The following TRPV3 variants were observed in gnomAD, a reference collection of about 807,000 sequenced individuals.
TRPV3 encodes the protein VRL-3.
Under a neutral mutation model 87.1 loss-of-function variants are expected in TRPV3, and 88 were observed. That is an observed-to-expected ratio of 1.01 (90% CI 0.85 to 1.21). The LOEUF (loss-of-function observed/expected upper bound fraction) is 1.21. Ranked by LOEUF, TRPV3 falls within the 50% of genes most tolerant of loss-of-function variation. The probability of loss-of-function intolerance (pLI) is 0.00; values close to 1 mark genes in which losing one functional copy is unlikely to be tolerated. For synonymous variants in TRPV3, 438 were observed against 423.3 expected, an observed-to-expected ratio of 1.03 and a Z score of -0.43; for missense variants, 1,054 against 1,030.1, an observed-to-expected ratio of 1.02 and a Z score of -0.32.
chr17:3,541,203 T>TA (rs2074456112), intron 6 of TRPV3, among the ~76,000 whole-genome samples: 1 of 152,092 alleles, frequency 6.6e-6, no homozygotes, highest in South Asian at 2.1e-4. Flanking sequence ...CCGTCTCTAC[T>TA]AAAAATCCAA....
chr17:3,537,729 C>A (rs905234366), intron 6 of TRPV3, among the ~76,000 whole-genome samples: 3 of 151,262 alleles, frequency 2.0e-5, no homozygotes, highest in Admixed American at 1.3e-4. Flanking sequence ...CATGGAGAAA[C>A]CCCATCTCTA....
In TRPV3 at chr17:3,528,770, C is replaced by T. The variant is rs2074322693; in HGVS notation, c.1401+67G>A. 1.0e-5 allele frequency: 16 copies of T among 1,583,488 alleles called. No individual in the cohort carries two copies. Among genetic ancestry groups the T allele is most frequent in the East Asian group, 2.2e-5 (1 of 44,574 alleles). ...CTGGGCCTCAGTTTTCCCACCTGCA[C>T]GTGGGGCAGCTCCAAGCCCCTCCAG... On this transcript the variant is annotated intron_variant, in intron 10 of 17. Coordinates refer to ENST00000576742, the MANE Select transcript of TRPV3 (RefSeq NM_145068.4). The surrounding 1 kb of genome is among the most constrained non-coding windows in gnomAD (Gnocchi z 4.2).
chr17:3,542,295 A>G (rs1028347369), intron 6 of TRPV3, among the ~76,000 whole-genome samples: 10 of 152,262 alleles, frequency 6.6e-5, no homozygotes, highest in Admixed American at 4.6e-4. Context: ...TCACCAGTGC[A>G]TGCCCATGCC....
rs866309796 is a variant in TRPV3, at chr17:3,538,590, A to T, written c.644-2877T>A. Among the ~76,000 whole-genome samples the T allele has an allele frequency of 1.2e-3, 170 of 136,440 alleles. 1 individual carries two copies. The highest frequency in any genetic ancestry group is 3.6e-3 in the South Asian group (15 of 4,208). 89.5% of individuals were successfully genotyped at this position (136,440 alleles called of 152,430 possible). ...ACTTTATTTTATTTATTTAAAAAAA[A>T]ATTTTTTTTTTTGAGATGGAGTCTC... On this transcript the variant is annotated intron_variant, in intron 6 of 17. Transcript: ENST00000576742.
In TRPV3 at chr17:3,532,731, A is replaced by G; in HGVS notation, c.991T>C (p.Trp331Arg). ...TTGTTGCGAGTGGTCTCCAGCTCCC[A>G]GTTGCCACTCCGCAGTAGGATCATG... is the stretch of plus-strand genomic sequence containing the variant. ...YDMILLRSGN[W>R]ELETTRNNDG... The change falls in exon 8 of 18, where the codon TGG (tryptophan) becomes CGG (arginine). Residue 331 changes from tryptophan (W) to arginine (R), a missense_variant. Physicochemically the swap from Trp to Arg is moderately radical, Grantham distance 101. Coordinates refer to ENST00000576742, the MANE Select transcript of TRPV3 (RefSeq NM_145068.4). The G allele has an allele frequency of 6.2e-7, 1 of 1,614,238 alleles. No homozygotes were observed. The highest frequency in any genetic ancestry group is 8.5e-7 in the Non-Finnish European group (1 of 1,180,042).
chr17:3,519,049 A>T (rs1448255582), intron 14 of TRPV3, among the ~76,000 whole-genome samples, 199 bp from the exon 15 acceptor site: 1 of 152,178 alleles, frequency 6.6e-6, no homozygotes, highest in East Asian at 1.9e-4. Context: ...CCTTCCACCT[A>T]ACAAAGCCCA....
At chr17:3,534,134 C>G (rs1455789628) in intron 7 of TRPV3, among the ~76,000 whole-genome samples, 1 of 152,134 alleles carries the variant, frequency 6.6e-6, no homozygotes, top group Non-Finnish European at 1.5e-5. Context: ...CAGGTCCAAC[C>G]AGCTCCTATG....
intron 2 of TRPV3, chr17:3,553,809 CA>C (rs2074600617): frequency 6.6e-6 from 1 of 152,334 alleles, no homozygotes; most frequent in African/African-American, 2.4e-5. Flanking sequence ...GTACACAGGA[CA>C]CCTCAATGAT....
At chr17:3,547,173 G>T (rs1473861659) in intron 2 of TRPV3, among the ~76,000 whole-genome samples, 2 of 152,210 alleles carry the variant, frequency 1.3e-5, no homozygotes, top group Non-Finnish European at 2.9e-5. Flanking sequence ...CAGGCCTCAG[G>T]TCTGAAGTCA....
chr17:3,514,052 C>G (rs1597462318), intron 17 of TRPV3, 41 bp from the exon 18 acceptor site: 1 of 1,453,762 alleles, frequency 6.9e-7, no homozygotes, highest in Non-Finnish European at 9.4e-7. Context: ...ATATATCACT[C>G]TGCATAGTGT....
intron 12 of TRPV3, 36 bp from the exon 13 acceptor site, chr17:3,524,399 A>T: frequency 1.9e-6 from 3 of 1,610,602 alleles, no homozygotes; most frequent in African/African-American, 2.7e-5. Context: ...GGCCTTACTT[A>T]CTTCTCAGCA....
At chr17:3,545,456 G>T (rs1222171672) in intron 2 of TRPV3, among the ~76,000 whole-genome samples, 185 bp from the exon 3 acceptor site, 1 of 152,158 alleles carries the variant, frequency 6.6e-6, no homozygotes, top group East Asian at 1.9e-4. Context: ...TATCACCTAC[G>T]TTTCACAGAT....
intron 7 of TRPV3, 117 bp downstream of exon 7, chr17:3,535,456 T>A: frequency 6.4e-6 from 4 of 623,298 alleles, no homozygotes; most frequent in Non-Finnish European, 6.3e-6. Context: ...ACTTCCTTCC[T>A]CCTTCCCTCT....
At chr17:3,524,905 TGTG>T (rs2074281975) in intron 12 of TRPV3, among the ~76,000 whole-genome samples, 1 of 151,902 alleles carries the variant, frequency 6.6e-6, no homozygotes, top group African/African-American at 2.4e-5. Flanking sequence ...AGACCAAAGA[TGTG>T]GTAAATGATT....
Position 3,524,324 on chromosome 17 carries a change from CAAG to C in TRPV3, c.1614_1616del (p.Phe538del), listed in dbSNP as rs1567633153. On this transcript the variant is annotated inframe_deletion, in exon 13 of 18. Transcript: ENST00000576742. Reference sequence around the variant, plus strand: ...GGTACTCTTTGTAGGCAAACAAGTACAAGAAGACAGACAGTATCACAAGCACAG... The same window carrying C: ...GGTACTCTTTGTAGGCAAACAAGTACAAGACAGACAGTATCACAAGCACAG... 1 of 1,614,240 alleles carries C rather than the reference CAAG, an allele frequency of 6.2e-7. No individual in the cohort carries two copies. The highest frequency in any genetic ancestry group is 2.2e-5 in the East Asian group (1 of 44,888).
In TRPV3 at chr17:3,512,183, G is replaced by C. The variant is rs1477605557; in HGVS notation, c.*1734C>G. The C allele has an allele frequency of 6.6e-6, 1 of 152,180 alleles. No individual in the cohort carries two copies. The highest frequency in any genetic ancestry group is 2.4e-5 in the African/African-American group (1 of 41,432). The allele number at this position is 152,180 out of a possible 1,614,324, so 9.4% of individuals were successfully genotyped here. On this transcript the variant is annotated 3_prime_UTR_variant, in exon 18 of 18. Transcript: ENST00000576742. Reference sequence around the variant, plus strand: ...ATTCTGCCCATTCTGAAACACATCTGCTCCTCCTGCCTCTAGGACAGTTCT... The same window carrying C: ...ATTCTGCCCATTCTGAAACACATCTCCTCCTCCTGCCTCTAGGACAGTTCT...
rs183659366 is a variant in TRPV3 at position 3,520,801 on chromosome 17, T to A, written c.1810+172A>T. On this transcript the variant is annotated intron_variant, in intron 14 of 17. Coordinates refer to ENST00000576742, the MANE Select transcript of TRPV3 (RefSeq NM_145068.4). ...ATGTACCCTAGAACTTAAAGTATAA[T>A]AAAATATATATGTATATATATAAAG... is the stretch of plus-strand genomic sequence containing the variant. Among the ~76,000 whole-genome samples the A allele has an allele frequency of 1.2e-3, 184 of 152,168 alleles. 2 individuals carry two copies. In the East Asian group the frequency reaches 0.032, roughly 27 times the overall value.
At chr17:3,524,808 C>CAAAAAAAAA (rs56919647) in intron 12 of TRPV3, among the ~76,000 whole-genome samples, 1 of 81,860 alleles carries the variant, frequency 1.2e-5, no homozygotes, top group Non-Finnish European at 2.6e-5. Context: ...CTTGTCTCTA[C>CAAAAAAAAA]AAAAAAAAAA....
chr17:3,520,950 A>G, intron 14 of TRPV3, 23 bp downstream of exon 14: 1 of 1,482,024 alleles, frequency 6.7e-7, no homozygotes, highest in Non-Finnish European at 9.4e-7. Flanking sequence ...TGTGGGAGTT[A>G]CTATTATTTA....
Sources: gnomAD v4.1 joint callset for allele counts (sites outside exome capture counted in the v4.1 genomes callset) on GRCh38, gnomAD v4.1.1 for gene constraint, Gnocchi (gnomAD v3.1) non-coding constraint, MANE v1.5 for transcripts, NCBI Gene and HGNC (gene_info 2026-07-23, HGNC 2026-07-21) for gene names.